GIGYF2: variants seen among roughly 807,000 people sequenced by gnomAD.
GIGYF2 encodes GRB10 interacting GYF protein 2, also known as GRB10-interacting GYF protein 2.
Under a neutral mutation model 208.1 loss-of-function variants are expected in GIGYF2, and 25 were observed. The ratio of observed to expected loss-of-function variants is 0.12; its 90% CI spans 0.09 to 0.17. The LOEUF (loss-of-function observed/expected upper bound fraction) is 0.17. Among genes scored for constraint, GIGYF2 ranks in the 10% least tolerant of loss-of-function variants. The pLI is 1.00. For synonymous variants in GIGYF2, 534 were observed against 543.8 expected (o/e 0.98, Z 0.25); for missense variants, 1,302 against 1,579.4 (o/e 0.82, Z 2.98).
chr2:232,832,828 T>G (rs1657941645), intron 21 of GIGYF2, 29 bp from the exon 22 acceptor site: 2 of 1,491,418 alleles, frequency 1.3e-6, no homozygotes. Flanking sequence ...AATAAAATTT[T>G]TATATCTTTA....
intron 15 of GIGYF2, among the ~76,000 whole-genome samples, chr2:232,809,095 C>T (rs150695570): frequency 6.6e-6 from 1 of 152,258 alleles, no homozygotes; most frequent in East Asian, 1.9e-4. Flanking sequence ...CAGGCATGTG[C>T]CACCACACCC....
chr2:232,727,156 G>A (rs776301995), intron 2 of GIGYF2, among the ~76,000 whole-genome samples: 1 of 152,132 alleles, frequency 6.6e-6, no homozygotes, highest in African/African-American at 2.4e-5. Context: ...AGTAGAGACA[G>A]GGTTTCACTA....
At chr2:232,775,275 G>A (rs1187696756) in intron 8 of GIGYF2, among the ~76,000 whole-genome samples, 1 of 152,124 alleles carries the variant, frequency 6.6e-6, no homozygotes, top group Non-Finnish European at 1.5e-5. Context: ...TGGTTACATA[G>A]CTGTGTCATT....
rs201283826 is a variant in GIGYF2, at chr2:232,784,390, T to TTTTTC, written c.533-2756_533-2755insCTTTT. 5.6e-3 allele frequency among the ~76,000 whole-genome samples: 612 copies of TTTTTC among 109,864 alleles called. 12 individuals are homozygous for TTTTTC. Among genetic ancestry groups the TTTTTC allele is most frequent in the African/African-American group, 0.023 (519 of 23,032 alleles). The allele number at this position is 109,864 out of a possible 152,430, so 72.1% of individuals were successfully genotyped here. A position where few individuals can be genotyped will look rare whatever the true frequency, so the allele number is the denominator to read the frequency against. On this transcript the variant is annotated intron_variant, in intron 8 of 28. Coordinates refer to ENST00000373563, the MANE Select transcript of GIGYF2 (RefSeq NM_001103146.3). ...GCTACTTACACGAAATAATTTCTTTTTTTTTTTTTTTTTTTTTGAGACGGA... is the reference window on the plus strand; with the variant it reads ...GCTACTTACACGAAATAATTTCTTTTTTTTCTTTTTTTTTTTTTTTTTGAGACGGA...
At chr2:232,707,459 C>T (rs76729858) in intron 2 of GIGYF2, among the ~76,000 whole-genome samples, 9,116 of 152,178 alleles carry the variant, frequency 0.06, 290 homozygotes, top group Non-Finnish European at 0.075. Flanking sequence ...GCCATATCCA[C>T]GGGCTCTCAT....
In GIGYF2 at chr2:232,810,982, A is replaced by T; in HGVS notation, c.1899-262A>T. The T allele has an allele frequency of 7.3e-6, 3 of 411,142 alleles. No individual in the cohort carries two copies. In the South Asian group the frequency reaches 7.5e-5, roughly 10 times the overall value. 25.5% of individuals were successfully genotyped at this position (411,142 alleles called of 1,614,324 possible). On this transcript the variant is annotated intron_variant, in intron 16 of 28. Transcript: ENST00000373563. ...TTTTAAAAATATTTTCTCTGAATAG[A>T]CCACTTTGCACTGAATTGTGAATTT...
At chr2:232,768,357 C>A (rs1168851604) in intron 8 of GIGYF2, 1 of 1,614,122 alleles carries the variant, frequency 6.2e-7, no homozygotes, top group East Asian at 2.2e-5. Context: ...ACCTTTGGAA[C>A]CTCGGGTCAA....
intron 1 of GIGYF2, among the ~76,000 whole-genome samples, chr2:232,702,611 C>T (rs868148193): frequency 8.5e-5 from 13 of 152,270 alleles, no homozygotes; most frequent in Middle Eastern, 3.4e-3. Flanking sequence ...TCACTCTTGT[C>T]ACTTGGAATA....
chr2:232,819,822 CT>C lies in GIGYF2; in HGVS notation c.2371-3del. ...CACCCCCCACCCTCCATCTTTTTTC[CT>C]TAGGAAGAGGCTCTGCGTCGCCAGC... is the stretch of plus-strand genomic sequence containing the variant. On this transcript the variant is annotated splice_polypyrimidine_tract_variant and splice_region_variant and intron_variant, in intron 20 of 28. Transcript: ENST00000373563. 1 of 907,130 alleles carries C rather than the reference CT, an allele frequency of 1.1e-6. No homozygotes were observed. The highest frequency in any genetic ancestry group is 1.5e-6 in the Non-Finnish European group (1 of 651,794). 56.2% of individuals were successfully genotyped at this position (907,130 alleles called of 1,614,324 possible).
chr2:232,751,755 T>C lies in GIGYF2; in HGVS notation c.267+2673T>C, dbSNP rs554836771. Among the ~76,000 whole-genome samples the C allele has an allele frequency of 8.5e-5, 13 of 152,330 alleles. No individual in the cohort carries two copies. The East Asian group carries it at 2.3e-3, about 27-fold the overall frequency. ...TTATTCAACAGAATGAATAATTGAA[T>C]TACCCAGAAACATCTTGTAACATTT... On this transcript the variant is annotated intron_variant, in intron 5 of 28. Transcript: ENST00000373563.
intron 17 of GIGYF2, among the ~76,000 whole-genome samples, chr2:232,811,986 T>G (rs1700747479): frequency 1.3e-5 from 2 of 152,174 alleles, no homozygotes; most frequent in South Asian, 4.1e-4. Flanking sequence ...CTGTAGGACT[T>G]GATTAATGTA....
chr2:232,841,072 G>GA (rs563496153), intron 23 of GIGYF2, among the ~76,000 whole-genome samples: 2,559 of 114,200 alleles, frequency 0.022, 33 homozygotes, highest in African/African-American at 0.053. Flanking sequence ...CTTTATTTAA[G>GA]AAAAAAAAAA....
intron 27 of GIGYF2, among the ~76,000 whole-genome samples, chr2:232,849,470 A>G (rs1389400883): frequency 6.6e-6 from 1 of 152,106 alleles, no homozygotes; most frequent in Admixed American, 6.5e-5. Flanking sequence ...GGCCCTAGGA[A>G]AAATATTTTA....
rs541918251 is a variant in GIGYF2, at chr2:232,705,008, C to T, written c.-44+1519C>T. On this transcript the variant is annotated intron_variant, in intron 2 of 28. Transcript: ENST00000373563. ...CCAAGTAGCTGGGATTACAGGTGCC[C>T]GCCACCACGCCCGGCCAATTTTTTG... 6.8e-3 allele frequency among the ~76,000 whole-genome samples: 1,035 copies of T among 151,796 alleles called. 14 individuals carry two copies. Among genetic ancestry groups the T allele is most frequent in the African/African-American group, 0.023 (971 of 41,382 alleles).
intron 22 of GIGYF2, among the ~76,000 whole-genome samples, chr2:232,838,427 A>G (rs1218750709): frequency 1.3e-5 from 2 of 152,132 alleles, no homozygotes; most frequent in Non-Finnish European, 2.9e-5. Context: ...ATAGATGGCC[A>G]TTTCTGGAGG....
chr2:232,789,780 C>G (rs1700016542), intron 9 of GIGYF2, among the ~76,000 whole-genome samples: 1 of 151,966 alleles, frequency 6.6e-6, no homozygotes, highest in African/African-American at 2.4e-5. Context: ...GCCTGCTTTT[C>G]TTTTTAAGAC....
intron 15 of GIGYF2, among the ~76,000 whole-genome samples, chr2:232,808,738 C>T (rs554344525): frequency 1.5e-3 from 233 of 152,156 alleles, no homozygotes; most frequent in African/African-American, 5.5e-3. Context: ...TTATCTTATA[C>T]TTCATGTTTC....
At chr2:232,820,620 C>G (rs1251573221) in intron 21 of GIGYF2, among the ~76,000 whole-genome samples, 1 of 152,030 alleles carries the variant, frequency 6.6e-6, no homozygotes, top group Non-Finnish European at 1.5e-5. Context: ...GGCCATCACC[C>G]AGCAATAATT....
At chr2:232,739,097 G>A (rs1697862014) in intron 3 of GIGYF2, among the ~76,000 whole-genome samples, 1 of 150,454 alleles carries the variant, frequency 6.6e-6, no homozygotes, top group Admixed American at 6.6e-5. Flanking sequence ...GGTGGCTCAT[G>A]CCTGTAATCC....
Sources: allele counts gnomAD v4.1 joint callset (sites outside exome capture counted in the v4.1 genomes callset), GRCh38; gene constraint gnomAD v4.1.1; transcripts MANE v1.5; gene names NCBI Gene and HGNC (gene_info 2026-07-23, HGNC 2026-07-21).